UVRAG: variants seen among roughly 807,000 people sequenced by gnomAD.
UVRAG encodes the protein UV radiation resistance associated.
In UVRAG, 19 loss-of-function variants were observed where a neutral mutation model predicts 78.0. The ratio of observed to expected loss-of-function variants is 0.24; its 90% confidence interval spans 0.17 to 0.36. The LOEUF (loss-of-function observed/expected upper bound fraction) is 0.36, where lower values mean the gene tolerates loss of function less well. Among genes scored for constraint, UVRAG ranks in the 10% least tolerant of loss-of-function variants. The pLI is 1.00. For synonymous variants in UVRAG, 323 were observed against 324.6 expected (o/e 1.00, Z 0.05); for missense variants, 740 against 853.8 (o/e 0.87, Z 1.66).
intron 13 of UVRAG, among the ~76,000 whole-genome samples, chr11:76,106,955 C>T (rs1275589268): frequency 6.6e-6 from 1 of 151,994 alleles, no homozygotes; most frequent in Non-Finnish European, 1.5e-5. Flanking sequence ...AAACTGATTG[C>T]AGTTGCATCC....
intron 6 of UVRAG, among the ~76,000 whole-genome samples, chr11:75,937,641 A>G (rs1948398916): frequency 6.6e-6 from 1 of 151,838 alleles, no homozygotes. Context: ...TCCTTTATGT[A>G]GTGTGTCTTT....
Position 75,852,085 on chromosome 11 carries a change from T to A in UVRAG, c.235+85T>A. 4.3e-6 allele frequency: 4 copies of A among 928,316 alleles called. No individual in the cohort carries two copies. The East Asian group carries it at 1.0e-4, about 24-fold the overall frequency. 57.5% of individuals were successfully genotyped at this position (928,316 alleles called of 1,614,324 possible). A position where few individuals can be genotyped will look rare whatever the true frequency, so the allele number is the denominator to read the frequency against. On this transcript the variant is annotated intron_variant, in intron 2 of 14. Coordinates refer to ENST00000356136, the MANE Select transcript of UVRAG (RefSeq NM_003369.4). ...ACAAGTGATTCTCAGTGCCTCCTGCTTTTGTGGCTTCTCGGAAACCTAAAT... is the reference window on the plus strand; with the variant it reads ...ACAAGTGATTCTCAGTGCCTCCTGCATTTGTGGCTTCTCGGAAACCTAAAT...
chr11:76,022,143 G>A (rs1213526496), intron 12 of UVRAG, among the ~76,000 whole-genome samples: 1 of 152,196 alleles, frequency 6.6e-6, no homozygotes, highest in African/African-American at 2.4e-5. Context: ...CATTGTGACA[G>A]AGAAGCAGAG....
intron 1 of UVRAG, among the ~76,000 whole-genome samples, chr11:75,830,807 G>C (rs1945639097): frequency 6.6e-6 from 1 of 152,156 alleles, no homozygotes; most frequent in South Asian, 2.1e-4. Flanking sequence ...ACTGTGTTCA[G>C]CTCTGTTCTA....
At chr11:75,849,149 G>A (rs1263537145) in intron 1 of UVRAG, among the ~76,000 whole-genome samples, 2 of 151,988 alleles carry the variant, frequency 1.3e-5, no homozygotes, top group African/African-American at 4.8e-5. Context: ...TTGCACTCCA[G>A]CCTGGGCGAG....
chr11:75,894,802 CAAAAAA>C (rs375833755), intron 5 of UVRAG, among the ~76,000 whole-genome samples: 145 of 60,212 alleles, frequency 2.4e-3, no homozygotes, highest in Non-Finnish European at 3.9e-3. Context: ...CCGTCTCTAC[CAAAAAA>C]AAAAAAAAAA....
chr11:76,015,213 T>A (rs749749974), intron 11 of UVRAG, among the ~76,000 whole-genome samples: 4 of 152,116 alleles, frequency 2.6e-5, no homozygotes, highest in African/African-American at 9.7e-5. Context: ...GTTAAAAAAT[T>A]GTTATATGCT....
rs575649425 is a variant in UVRAG at position 76,043,239 on chromosome 11, T to A, written c.1227-22471T>A. On this transcript the variant is annotated intron_variant, in intron 12 of 14. Transcript: ENST00000356136. ...ATTTAAACTGTTCTTTAATTTTTTT[T>A]AAAAAAAGGAAGAAAAAGTATCAGA... Among the ~76,000 whole-genome samples the A allele has an allele frequency of 2.8e-3, 428 of 152,140 alleles. 3 individuals carry two copies. The highest frequency in any genetic ancestry group is 0.023 in the South Asian group (112 of 4,820).
chr11:76,103,108 A>G (rs568590572), intron 13 of UVRAG, among the ~76,000 whole-genome samples: 4 of 152,248 alleles, frequency 2.6e-5, no homozygotes, highest in Admixed American at 1.3e-4. Context: ...CAGACCAATA[A>G]TGTCCCATCA....
At chr11:76,051,318 T>C (rs948244131) in intron 12 of UVRAG, among the ~76,000 whole-genome samples, 1 of 152,046 alleles carries the variant, frequency 6.6e-6, no homozygotes, top group Admixed American at 6.6e-5. Context: ...TCCAGGCAAA[T>C]GCAGGATGGC....
chr11:76,057,876 G>A (rs1253952382), intron 12 of UVRAG, among the ~76,000 whole-genome samples: 1 of 152,178 alleles, frequency 6.6e-6, no homozygotes, highest in Non-Finnish European at 1.5e-5. Flanking sequence ...CTTGCATGCT[G>A]CTGGCATTTT....
intron 1 of UVRAG, among the ~76,000 whole-genome samples, chr11:75,848,790 G>T (rs898604906): frequency 6.6e-6 from 1 of 152,190 alleles, no homozygotes; most frequent in African/African-American, 2.4e-5. Context: ...ACGTATATAG[G>T]ATGTAATCCT....
chr11:75,877,051 T>C (rs1460684178), intron 3 of UVRAG, among the ~76,000 whole-genome samples: 1 of 151,134 alleles, frequency 6.6e-6, no homozygotes, highest in African/African-American at 2.5e-5. Context: ...GTGATGACTC[T>C]TAACGAGCAT....
chr11:75,834,276 C>T (rs1433335701), intron 1 of UVRAG, among the ~76,000 whole-genome samples: 2 of 151,904 alleles, frequency 1.3e-5, no homozygotes, highest in African/African-American at 2.4e-5. Flanking sequence ...TAGGACATTC[C>T]TCATTTTCTG....
chr11:76,016,731 A>C, intron 11 of UVRAG, 84 bp from the exon 12 acceptor site: 1 of 1,214,446 alleles, frequency 8.2e-7, no homozygotes, highest in African/African-American at 1.5e-5. Context: ...TTTTTATAAA[A>C]TATTCTTTGA....
At chr11:75,859,079 T>G (rs1410138001) in intron 2 of UVRAG, among the ~76,000 whole-genome samples, 1 of 152,172 alleles carries the variant, frequency 6.6e-6, no homozygotes, top group African/African-American at 2.4e-5. Context: ...GAATGATATC[T>G]TTTTGAAAAT....
At chr11:75,858,490 A>G (rs971171419) in intron 2 of UVRAG, among the ~76,000 whole-genome samples, 3 of 152,296 alleles carry the variant, frequency 2.0e-5, no homozygotes, top group Admixed American at 6.5e-5. Flanking sequence ...TAGATACACC[A>G]TAATTTATTT....
chr11:76,002,480 C>G lies in UVRAG; in HGVS notation c.827-1525C>G, dbSNP rs116351673. ...TTTGTGTTTTGAAGACCAGATCTGTCTTTGGTCCCTATTTGTGGTCTTGTT... is the reference window on the plus strand; with the variant it reads ...TTTGTGTTTTGAAGACCAGATCTGTGTTTGGTCCCTATTTGTGGTCTTGTT... On this transcript the variant is annotated intron_variant, in intron 8 of 14. Coordinates refer to ENST00000356136, the MANE Select transcript of UVRAG (RefSeq NM_003369.4). Among the ~76,000 whole-genome samples, 1,093 of 152,202 alleles carry G rather than the reference C, an allele frequency of 7.2e-3. 13 individuals carry two copies. Among genetic ancestry groups the G allele is most frequent in the African/African-American group, 0.025 (1,038 of 41,510 alleles).
intron 14 of UVRAG, among the ~76,000 whole-genome samples, chr11:76,129,708 T>C (rs1269125511): frequency 6.6e-6 from 1 of 152,198 alleles, no homozygotes. Context: ...TTTCTCCTGC[T>C]ATTTCTGTTT....
Sources: allele counts gnomAD v4.1 joint callset (sites outside exome capture counted in the v4.1 genomes callset), GRCh38; gene constraint gnomAD v4.1.1; transcripts MANE v1.5; gene names NCBI Gene and HGNC (gene_info 2026-07-23, HGNC 2026-07-21).